TNS1: variants seen among roughly 807,000 people sequenced by gnomAD.
TNS1 encodes the protein tensin 1.
Under a neutral mutation model 168.6 loss-of-function variants are expected in TNS1, and 62 were observed. That is an observed-to-expected ratio of 0.37 (90% CI 0.30 to 0.45). TNS1 has a LOEUF of 0.45. TNS1 is among the 20% of genes least tolerant of loss of function. TNS1 has a pLI of 1.00. For missense variants in TNS1, 2,240 were observed against 2,339.4 expected (o/e 0.96, Z 0.88); for synonymous variants, 934 against 933.2 (o/e 1.00, Z -0.02).
chr2:217,810,168 C>T, intron 29 of TNS1, 80 bp downstream of exon 29: 2 of 1,535,646 alleles, frequency 1.3e-6, no homozygotes, highest in African/African-American at 1.4e-5. Flanking sequence ...AGACCTCCAG[C>T]CTGCACGTGC....
chr2:217,910,050 C>G (rs897340440), intron 4 of TNS1, among the ~76,000 whole-genome samples: 1 of 152,200 alleles, frequency 6.6e-6, no homozygotes, highest in African/African-American at 2.4e-5. Flanking sequence ...AGGCCCAGGC[C>G]CTCTCCAGCC....
At chr2:217,939,205 G>T (rs1249780112) in intron 3 of TNS1, among the ~76,000 whole-genome samples, 2 of 152,184 alleles carry the variant, frequency 1.3e-5, no homozygotes, top group Non-Finnish European at 2.9e-5. Flanking sequence ...GGCTCACAGA[G>T]GTTCAGTCAC....
intron 3 of TNS1, among the ~76,000 whole-genome samples, chr2:217,921,455 C>A (rs900915306): frequency 6.6e-6 from 1 of 152,208 alleles, no homozygotes; most frequent in African/African-American, 2.4e-5. Flanking sequence ...CCTAGCTGAG[C>A]CCTTCCTCCA....
rs555845921 is a variant in TNS1 at position 218,032,769 on chromosome 2, C to A, written c.156+1051G>T. ...CACTGGAGCCAGAGTCAGGGCACAGCAGCTGGGATGGAGCTTGATCCCCAC... is the reference window on the plus strand; with the variant it reads ...CACTGGAGCCAGAGTCAGGGCACAGAAGCTGGGATGGAGCTTGATCCCCAC... On this transcript the variant is annotated intron_variant, in intron 1 of 1. Transcript: ENST00000649572. The surrounding 1 kb of genome is among the most constrained non-coding windows in gnomAD (Gnocchi z 4.0). Among the ~76,000 whole-genome samples the A allele has an allele frequency of 6.6e-5, 10 of 152,280 alleles. No homozygotes were observed. Among genetic ancestry groups the A allele is most frequent in the African/African-American group, 1.4e-4 (6 of 41,554 alleles).
intron 1 of TNS1, among the ~76,000 whole-genome samples, chr2:217,991,875 C>G (rs115111286): frequency 3.9e-5 from 6 of 152,000 alleles, no homozygotes; most frequent in Non-Finnish European, 8.8e-5. Flanking sequence ...ATGTGACTAT[C>G]CTTTTCTAAA....
intron 4 of TNS1, among the ~76,000 whole-genome samples, chr2:217,918,098 G>A (rs1022996916): frequency 6.6e-6 from 1 of 152,186 alleles, no homozygotes; most frequent in South Asian, 2.1e-4. Flanking sequence ...TTGGGCCAAC[G>A]GAAGAACCTG....
intron 12 of TNS1, among the ~76,000 whole-genome samples, chr2:217,888,680 C>T (rs1257848439): frequency 1.3e-5 from 2 of 152,166 alleles, no homozygotes; most frequent in African/African-American, 4.8e-5. Flanking sequence ...GGGGAAACCC[C>T]TTTCCCTTGA....
In TNS1 at chr2:217,836,010, C is replaced by T. The variant is rs375828580; in HGVS notation, c.3204+5G>A. On this transcript the variant is annotated splice_donor_5th_base_variant and intron_variant, in intron 20 of 32. Coordinates refer to ENST00000682258, the MANE Select transcript of TNS1 (RefSeq NM_001387777.1). ...ATAGCCCCAAGATACAGCTTAAGGA[C>T]TCACCTCTTTGGGCCGCCCTCCAGG... 6.2e-7 allele frequency: 1 copy of T among 1,611,454 alleles called. No homozygotes were observed. Among genetic ancestry groups the T allele is most frequent in the African/African-American group, 1.3e-5 (1 of 74,882 alleles).
Position 217,882,340 on chromosome 2 carries a change from T to C in TNS1, c.1312+6A>G. The C allele has an allele frequency of 6.3e-7, 1 of 1,593,742 alleles. No homozygotes were observed. Among genetic ancestry groups the C allele is most frequent in the South Asian group, 1.1e-5 (1 of 88,684 alleles). On this transcript the variant is annotated splice_donor_region_variant and intron_variant, in intron 17 of 32. Transcript: ENST00000682258. ...GTGAGAGAATGAATTCTAACTCGGC[T>C]TATACCTTGAATTTTCTCTGGCCCA...
At chr2:217,888,167 G>A (rs1003404787) in intron 12 of TNS1, among the ~76,000 whole-genome samples, 22 of 152,174 alleles carry the variant, frequency 1.4e-4, no homozygotes, top group African/African-American at 3.9e-4. Context: ...CTGGAATAGC[G>A]GTTCCTATCA....
chr2:217,981,026 T>A (rs1414183302), intron 2 of TNS1, among the ~76,000 whole-genome samples: 1 of 152,228 alleles, frequency 6.6e-6, no homozygotes, highest in East Asian at 1.9e-4. Context: ...TTTCTGAAGT[T>A]GCCCTGGGTA....
intron 3 of TNS1, chr2:217,937,193 T>A: frequency 2.5e-5 from 8 of 323,106 alleles, no homozygotes; most frequent in South Asian, 4.5e-5. Flanking sequence ...CCTACTCCCC[T>A]ACTCCCCCCA....
rs557703953 is a variant in TNS1 at position 217,903,444 on chromosome 2, C to T, written c.321+2891G>A. The stretch of plus-strand genomic sequence containing the variant: ...CCTTATAAAAAGGAAAATAAGCTCT[C>T]TGCCTGCCTGTAATCCTATTCTTTT... On this transcript the variant is annotated intron_variant, in intron 6 of 32. Transcript: ENST00000682258. Among the ~76,000 whole-genome samples the T allele has an allele frequency of 3.9e-4, 60 of 152,340 alleles. 1 individual carries two copies. Among genetic ancestry groups the T allele is most frequent in the African/African-American group, 1.4e-3 (58 of 41,580 alleles).
Position 217,969,820 on chromosome 2 carries a change from T to C in TNS1, c.186+8945A>G, listed in dbSNP as rs564313432. ...ATGTGGAAAAATTGGAAACTTCACA[T>C]ATTGCTAGCAAGAATGTAAAATGGC... is the stretch of plus-strand genomic sequence containing the variant. On this transcript the variant is annotated intron_variant, in intron 3 of 32. Transcript: ENST00000682258. Among the ~76,000 whole-genome samples the C allele has an allele frequency of 1.6e-4, 25 of 152,280 alleles. No individual in the cohort carries two copies. In the South Asian group the frequency reaches 4.6e-3, roughly 28 times the overall value.
chr2:217,906,525 C>A (rs752785931), intron 5 of TNS1, 140 bp from the exon 6 acceptor site: 1 of 641,522 alleles, frequency 1.6e-6, no homozygotes, highest in Admixed American at 2.3e-5. Context: ...TTTCACATTT[C>A]TTTGCCCATA....
chr2:217,848,493 A>G lies in TNS1; in HGVS notation c.2024T>C (p.Met675Thr), dbSNP rs957291523. 22 of 1,613,204 alleles carry G rather than the reference A, an allele frequency of 1.4e-5. No individual in the cohort carries two copies. The highest frequency in any genetic ancestry group is 1.8e-5 in the Non-Finnish European group (21 of 1,179,406). ...LTNGLDKSYP[M>T]EPMVNGGGYP... ...GCCTCCTCCATTGACCATAGGCTCC[A>G]TGGGGTAGGACTTGTCCAGACCGTT... The change falls in exon 19 of 33, where the codon ATG becomes ACG. Residue 675 changes from methionine to threonine, a missense_variant. Met to Thr is a moderately conservative substitution (Grantham distance 81, BLOSUM62 -1). Transcript: ENST00000682258.
Position 217,821,855 on chromosome 2 carries a change from C to A in TNS1, c.3457G>T (p.Ala1153Ser). 2.3e-5 allele frequency: 36 copies of A among 1,586,262 alleles called. No individual in the cohort carries two copies. The highest frequency in any genetic ancestry group is 3.1e-5 in the Non-Finnish European group (36 of 1,167,430). Reference protein sequence around the residue: ...AQDSEPKSFSAPATQAYGHEI... With the variant: ...AQDSEPKSFSSPATQAYGHEI... ...TGGCCATAGGCCTGGGTGGCTGGAG[C>A]ACTAAAGCTCTTGGGCTCAGAGTCC... Residue 1153 changes from alanine (A) to serine (S), a missense_variant, in exon 23 of 33, where the codon GCT becomes TCT. Ala to Ser is a moderately conservative substitution (Grantham distance 99). Around this residue, in one of 2 missense-constraint regions of TNS1, gnomAD observed 2,131 missense variants for 2,171.2 expected, o/e 0.98. Coordinates refer to ENST00000682258, the MANE Select transcript of TNS1 (RefSeq NM_001387777.1).
At chr2:218,019,046 C>T (rs113764087) in intron 1 of TNS1, among the ~76,000 whole-genome samples, 1,709 of 151,786 alleles carry the variant, frequency 0.011, 27 homozygotes, top group African/African-American at 0.038. Flanking sequence ...CACTGCACTA[C>T]AGCCTGGGCA....
intron 2 of TNS1, among the ~76,000 whole-genome samples, chr2:217,980,922 A>G (rs1958032615): frequency 6.6e-6 from 1 of 152,172 alleles, no homozygotes; most frequent in Admixed American, 6.5e-5. Flanking sequence ...GAATCCACCC[A>G]AAGTCATCTC....
Sources: allele counts gnomAD v4.1 joint callset (sites outside exome capture counted in the v4.1 genomes callset), GRCh38; gene constraint gnomAD v4.1.1; regional missense constraint gnomAD v4.1.1; non-coding constraint Gnocchi (gnomAD v3.1); transcripts MANE v1.5; gene names NCBI Gene and HGNC (gene_info 2026-07-23, HGNC 2026-07-21).